Variants in MYO7B observed in about 807,000 individuals in gnomAD.
MYO7B encodes myosin VIIB, also known as unconventional myosin-VIIb.
Under a neutral mutation model 259.7 loss-of-function variants are expected in MYO7B, and 212 were observed. The observed-to-expected ratio is 0.82, with a 90% confidence interval of 0.73 to 0.91. MYO7B has a LOEUF of 0.91. MYO7B is among the 40% of genes least tolerant of loss of function. MYO7B has a pLI of 0.00. For missense variants in MYO7B, 2,732 were observed against 2,813.5 expected (o/e 0.97, Z 0.66); for synonymous variants, 1,197 against 1,166.4 (o/e 1.03, Z -0.54).
chr2:127,576,818 C>T lies in MYO7B; in HGVS notation c.849+110C>T, dbSNP rs1401284854. 1.3e-6 allele frequency: 1 copy of T among 742,916 alleles called. No homozygotes were observed. Among genetic ancestry groups the T allele is most frequent in the Admixed American group, 2.8e-5 (1 of 35,208 alleles). 46.0% of individuals were successfully genotyped at this position (742,916 alleles called of 1,614,324 possible). ...AGAGAAGCCCAACGCTGGCCGGGCC[C>T]CTGAGGCGGGGCTGGTTCCCTTTGC... On this transcript the variant is annotated intron_variant, in intron 8 of 47. Transcript: ENST00000409816. This position sits in a 1 kb window ranked among gnomAD's most constrained non-coding sequence, Gnocchi z 4.9.
chr2:127,636,123 C>A lies in MYO7B; in HGVS notation c.6007-85C>A. 1 of 1,231,862 alleles carries A rather than the reference C, an allele frequency of 8.1e-7. No individual in the cohort carries two copies. The highest frequency in any genetic ancestry group is 1.2e-6 in the Non-Finnish European group (1 of 854,714). 76.3% of individuals were successfully genotyped at this position (1,231,862 alleles called of 1,614,324 possible). On this transcript the variant is annotated intron_variant, in intron 44 of 47. Transcript: ENST00000409816. This position sits in a 1 kb window ranked among gnomAD's most constrained non-coding sequence, Gnocchi z 4.5. The stretch of plus-strand genomic sequence containing the variant: ...TCCCCTCCCCTCCCCACCGTACTAG[C>A]CCTGGGGTAGGCAGGTGCTGCCCCC...
At chr2:127,571,044 A>T (rs1678583354) in intron 6 of MYO7B, among the ~76,000 whole-genome samples, 1 of 152,194 alleles carries the variant, frequency 6.6e-6, no homozygotes, top group Admixed American at 6.5e-5. Context: ...ACCTCTATAA[A>T]TGTTCACATA....
rs1324527916 is a variant in MYO7B at position 127,614,678 on chromosome 2, C to T, written c.3398+2075C>T. 1.3e-5 allele frequency among the ~76,000 whole-genome samples: 2 copies of T among 152,122 alleles called. No homozygotes were observed. Among genetic ancestry groups the T allele is most frequent in the African/African-American group, 2.4e-5 (1 of 41,428 alleles). On this transcript the variant is annotated intron_variant, in intron 26 of 47. Coordinates refer to ENST00000409816, the MANE Select transcript of MYO7B (RefSeq NM_001393586.1). The surrounding 1 kb of genome is among the most constrained non-coding windows in gnomAD (Gnocchi z 4.6). The stretch of plus-strand genomic sequence containing the variant: ...GTCTCTTCTCTGGCAGCCCCCAGTT[C>T]TCCTGGGGTCCCCTTCACCAACCTC...
chr2:127,542,972 G>C (rs375407994), intron 1 of MYO7B, among the ~76,000 whole-genome samples: 1 of 152,178 alleles, frequency 6.6e-6, no homozygotes, highest in Admixed American at 6.5e-5. Context: ...GCCCTAAGGC[G>C]GTTTTCTCCT....
At position 127,605,815 on chromosome 2, in the gene MYO7B, CAT is replaced by C. The variant is rs1680138887; in HGVS notation, c.2340-28_2340-27del. The C allele has an allele frequency of 3.1e-6, 5 of 1,603,732 alleles. No homozygotes were observed. In the African/African-American group the frequency reaches 4.0e-5, roughly 13 times the overall value. On this transcript the variant is annotated intron_variant, in intron 19 of 47. Coordinates refer to ENST00000409816, the MANE Select transcript of MYO7B (RefSeq NM_001393586.1). Reference sequence around the variant, plus strand: ...AGCTTTAAACCATCTGGGATTGTTACATGTGTGTGGCTTGCATTGCCCTTCTA... The same window carrying C: ...AGCTTTAAACCATCTGGGATTGTTACGTGTGTGGCTTGCATTGCCCTTCTA...
Position 127,623,378 on chromosome 2 carries a change from A to G in MYO7B, c.3819+3A>G, listed in dbSNP as rs1316641689. The G allele has an allele frequency of 6.4e-7, 1 of 1,573,598 alleles. No homozygotes were observed. Among genetic ancestry groups the G allele is most frequent in the Non-Finnish European group, 8.6e-7 (1 of 1,160,336 alleles). On this transcript the variant is annotated splice_donor_region_variant and intron_variant, in intron 29 of 47. Coordinates refer to ENST00000409816, the MANE Select transcript of MYO7B (RefSeq NM_001393586.1). ...TCCAGGTCGCCGTGTACGACAAGGT[A>G]CCAGCCAGGCACCCTGCCCGTCAGC... is the stretch of plus-strand genomic sequence containing the variant.
At position 127,559,642 on chromosome 2, in the gene MYO7B, A is replaced by G; in HGVS notation, c.-23-58A>G. ...TGAACAAGCCCAGCTCCTGTGCTCC[A>G]GGGGCTCCTATTGGGGCTGTGTATG... On this transcript the variant is annotated intron_variant, in intron 1 of 47. Coordinates refer to ENST00000409816, the MANE Select transcript of MYO7B (RefSeq NM_001393586.1). The surrounding 1 kb of genome is among the most constrained non-coding windows in gnomAD (Gnocchi z 4.1). The G allele has an allele frequency of 6.5e-7, 1 of 1,540,008 alleles. No individual in the cohort carries two copies. Among genetic ancestry groups the G allele is most frequent in the Non-Finnish European group, 9.0e-7 (1 of 1,112,882 alleles).
chr2:127,633,007 C>T (rs977090419), intron 39 of MYO7B, among the ~76,000 whole-genome samples: 18 of 152,230 alleles, frequency 1.2e-4, no homozygotes, highest in Admixed American at 5.2e-4. Flanking sequence ...GGCGCCTTCC[C>T]GGGAGCCCCT....
intron 1 of MYO7B, among the ~76,000 whole-genome samples, chr2:127,545,310 A>G (rs984859647): frequency 6.6e-6 from 1 of 152,232 alleles, no homozygotes; most frequent in Admixed American, 6.5e-5. Context: ...CCTTTACCAC[A>G]GTGCATGGGC....
chr2:127,628,119 C>G lies in MYO7B; in HGVS notation c.4461-253C>G. The G allele has an allele frequency of 1.5e-6, 1 of 650,358 alleles. No homozygotes were observed. Among genetic ancestry groups the G allele is most frequent in the East Asian group, 3.1e-5 (1 of 32,102 alleles). The allele number at this position is 650,358 out of a possible 1,614,324, so 40.3% of individuals were successfully genotyped here. The stretch of plus-strand genomic sequence containing the variant: ...TCCCTGCGGTGTCACTGCACACCAG[C>G]CACCTCATTATCTGCCCACAGCCAA... On this transcript the variant is annotated intron_variant, in intron 33 of 47. Coordinates refer to ENST00000409816, the MANE Select transcript of MYO7B (RefSeq NM_001393586.1). The surrounding 1 kb of genome is among the most constrained non-coding windows in gnomAD (Gnocchi z 4.8).
At chr2:127,622,141 G>A (rs1355998969) in intron 28 of MYO7B, 40 bp downstream of exon 28, 2 of 1,530,064 alleles carry the variant, frequency 1.3e-6, no homozygotes, top group African/African-American at 1.4e-5. Context: ...GGGTGGGGTG[G>A]TGCAGACCCC....
At position 127,583,191 on chromosome 2, in the gene MYO7B, C is replaced by T. The variant is rs192797128; in HGVS notation, c.1343+745C>T. ...CCACTGGCTCCAGGAAGCAGAGCTC[C>T]TCTGGGCCCTGTCTGAGGAGCCAGG... On this transcript the variant is annotated intron_variant, in intron 12 of 47. Coordinates refer to ENST00000409816, the MANE Select transcript of MYO7B (RefSeq NM_001393586.1). 2.6e-3 allele frequency among the ~76,000 whole-genome samples: 391 copies of T among 152,340 alleles called. 2 individuals are homozygous for T. Among genetic ancestry groups the T allele is most frequent in the African/African-American group, 9.0e-3 (373 of 41,576 alleles).
rs540743701 is a variant in MYO7B, at chr2:127,582,403, G to A, written c.1300G>A (p.Gly434Ser). 5.0e-5 allele frequency: 80 copies of A among 1,613,384 alleles called. No homozygotes were observed. Among genetic ancestry groups the A allele is most frequent in the South Asian group, 2.6e-4 (24 of 90,874 alleles). Residue 434 changes from glycine (G) to serine (S), a missense_variant, in exon 12 of 48, where the codon GGC becomes AGC. By Grantham distance (56) the Gly-to-Ser change is moderately conservative (BLOSUM62 0). Around this residue, in one of 3 missense-constraint regions of MYO7B, gnomAD observed 1,906 missense variants for 2,026.4 expected, o/e 0.94. Coordinates refer to ENST00000409816, the MANE Select transcript of MYO7B (RefSeq NM_001393586.1). ...CCCCAAAAATGTGCGGAGGGCCATC[G>A]GCCTCCTGGACATATTTGGCTTTGA... ...QDPKNVRRAI[G>S]LLDIFGFENF... is the part of the protein sequence containing the mutation.
chr2:127,580,163 A>G (rs1679042954), intron 9 of MYO7B, among the ~76,000 whole-genome samples: 1 of 152,124 alleles, frequency 6.6e-6, no homozygotes, highest in South Asian at 2.1e-4. Flanking sequence ...TTTTCAGTTT[A>G]AAAAAGAAAA....
rs963750909 is a variant in MYO7B at position 127,596,255 on chromosome 2, G to A, written c.2245-207G>A. ...GAATTAGCAAGAAGAAAGAGCTAATGTGGGAAGTTCTTGGATTGGGGTGGG... is the reference window on the plus strand; with the variant it reads ...GAATTAGCAAGAAGAAAGAGCTAATATGGGAAGTTCTTGGATTGGGGTGGG... On this transcript the variant is annotated intron_variant, in intron 18 of 47. Coordinates refer to ENST00000409816, the MANE Select transcript of MYO7B (RefSeq NM_001393586.1). 3.3e-5 allele frequency among the ~76,000 whole-genome samples: 5 copies of A among 152,216 alleles called. No homozygotes were observed. In the South Asian group the frequency reaches 8.3e-4, roughly 25 times the overall value.
In MYO7B at chr2:127,628,338, G is replaced by C; in HGVS notation, c.4461-34G>C. ...AGGGGCTGGATCAGGGGAAGGTGGA[G>C]GGGGCTCCTGGTCACGCTGTCCTTC... On this transcript the variant is annotated intron_variant, in intron 33 of 47. Coordinates refer to ENST00000409816, the MANE Select transcript of MYO7B (RefSeq NM_001393586.1). This position sits in a 1 kb window ranked among gnomAD's most constrained non-coding sequence, Gnocchi z 4.8. 1 of 1,575,312 alleles carries C rather than the reference G, an allele frequency of 6.3e-7. No homozygotes were observed. The highest frequency in any genetic ancestry group is 8.6e-7 in the Non-Finnish European group (1 of 1,163,592).
In MYO7B at chr2:127,631,202, A is replaced by G; in HGVS notation, c.4938-4A>G. The G allele has an allele frequency of 6.3e-7, 1 of 1,593,812 alleles. No homozygotes were observed. Among genetic ancestry groups the G allele is most frequent in the East Asian group, 2.3e-5 (1 of 44,390 alleles). On this transcript the variant is annotated splice_polypyrimidine_tract_variant and splice_region_variant and intron_variant, in intron 36 of 47. Transcript: ENST00000409816. Reference sequence around the variant, plus strand: ...AGGCCTCACACCAGCCTCTAACCTCACAGGGCTCCAGAGAAGGACATGGTG... The same window carrying G: ...AGGCCTCACACCAGCCTCTAACCTCGCAGGGCTCCAGAGAAGGACATGGTG...
At chr2:127,599,678 C>T (rs529654545) in intron 19 of MYO7B, among the ~76,000 whole-genome samples, 17 of 152,148 alleles carry the variant, frequency 1.1e-4, no homozygotes, top group African/African-American at 2.2e-4. Flanking sequence ...TTTCTCAAGT[C>T]GAGGAAGCTT....
At chr2:127,594,128 C>T (rs1217328672) in intron 18 of MYO7B, among the ~76,000 whole-genome samples, 1 of 152,248 alleles carries the variant, frequency 6.6e-6, no homozygotes, top group Non-Finnish European at 1.5e-5. Flanking sequence ...GCGACTTGTC[C>T]TTAGCGGGGC....
Sources: allele counts gnomAD v4.1 joint callset (sites outside exome capture counted in the v4.1 genomes callset), GRCh38; gene constraint gnomAD v4.1.1; regional missense constraint gnomAD v4.1.1; non-coding constraint Gnocchi (gnomAD v3.1); transcripts MANE v1.5; gene names NCBI Gene and HGNC (gene_info 2026-07-23, HGNC 2026-07-21).